Variants in COL24A1 observed in about 807,000 individuals in gnomAD.
The protein encoded by COL24A1 is collagen type XXIV alpha 1 chain.
COL24A1 carries 224 observed loss-of-function variants against 253.9 expected under a neutral mutation model. The ratio of observed to expected loss-of-function variants is 0.88; its 90% CI spans 0.79 to 0.99. The LOEUF is 0.99. Ranked by LOEUF, COL24A1 falls within the 50% of genes least tolerant of loss-of-function variation. COL24A1 has a pLI of 0.00. For synonymous variants in COL24A1, 685 were observed against 673.7 expected (o/e 1.02, Z -0.26); for missense variants, 2,131 against 2,068.5 (o/e 1.03, Z -0.59).
intron 53 of COL24A1, among the ~76,000 whole-genome samples, 196 bp downstream of exon 53, chr1:85,775,478 G>T (rs1668444698): frequency 6.6e-6 from 1 of 152,096 alleles, no homozygotes; most frequent in East Asian, 1.9e-4. Context: ...GGGTGTTAAA[G>T]TCTCCCATTA....
At chr1:85,781,108 C>T (rs1158509693) in intron 52 of COL24A1, 112 bp downstream of exon 52, 2 of 732,636 alleles carry the variant, frequency 2.7e-6, no homozygotes, top group Non-Finnish European at 4.3e-6. Context: ...AAATGTATAT[C>T]TATTTTTTCC....
intron 11 of COL24A1, 67 bp from the exon 12 acceptor site, chr1:86,046,936 C>A: frequency 2.2e-6 from 2 of 901,652 alleles, no homozygotes; most frequent in East Asian, 2.4e-5. Context: ...AGATCTTTTT[C>A]TCCCAATATA....
intron 20 of COL24A1, among the ~76,000 whole-genome samples, chr1:85,978,900 G>C (rs886892492): frequency 6.6e-6 from 1 of 152,128 alleles, no homozygotes; most frequent in Non-Finnish European, 1.5e-5. Flanking sequence ...CTTTTCATCA[G>C]AGTATAGAAC....
chr1:86,061,088 A>G (rs1313904429), intron 8 of COL24A1, among the ~76,000 whole-genome samples: 1 of 152,074 alleles, frequency 6.6e-6, no homozygotes, highest in African/African-American at 2.4e-5. Context: ...GAGGATACTT[A>G]GCTAATAAGT....
At chr1:85,769,452 G>T (rs1418190012) in intron 53 of COL24A1, among the ~76,000 whole-genome samples, 1 of 148,378 alleles carries the variant, frequency 6.7e-6, no homozygotes, top group Non-Finnish European at 1.5e-5. Context: ...GCCAGGCATT[G>T]TACTAGGTCC....
intron 47 of COL24A1, among the ~76,000 whole-genome samples, chr1:85,796,170 G>A (rs1412189337): frequency 2.0e-5 from 3 of 152,142 alleles, no homozygotes; most frequent in Admixed American, 2.0e-4. Flanking sequence ...GGAACTGAGA[G>A]TACAGCTGAG....
intron 58 of COL24A1, among the ~76,000 whole-genome samples, chr1:85,737,073 C>A (rs574478508): frequency 6.6e-6 from 1 of 152,016 alleles, no homozygotes; most frequent in African/African-American, 2.4e-5. Flanking sequence ...GTTACAAACA[C>A]TAGCTGTTTA....
At chr1:85,948,341 G>C (rs985402552) in intron 24 of COL24A1, among the ~76,000 whole-genome samples, 5 of 151,206 alleles carry the variant, frequency 3.3e-5, no homozygotes, top group Admixed American at 1.3e-4. Flanking sequence ...TGGCTAACAC[G>C]GTGAAACCCC....
intron 31 of COL24A1, 37 bp downstream of exon 31, chr1:85,895,821 A>T: frequency 6.4e-7 from 1 of 1,570,736 alleles, no homozygotes; most frequent in African/African-American, 1.4e-5. Flanking sequence ...AAATGCAGAT[A>T]AAAATTTTTC....
At chr1:86,062,097 ATTAAG>A (rs1458066036) in intron 8 of COL24A1, among the ~76,000 whole-genome samples, 7 of 152,080 alleles carry the variant, frequency 4.6e-5, no homozygotes, top group South Asian at 4.1e-4. Context: ...TATTGGTGAC[ATTAAG>A]TTAATTAACA....
At chr1:86,020,634 T>G (rs925570799) in intron 18 of COL24A1, among the ~76,000 whole-genome samples, 35 of 152,196 alleles carry the variant, frequency 2.3e-4, no homozygotes, top group Admixed American at 5.9e-4. Context: ...CTTATATTAT[T>G]TATTAGTTAA....
At chr1:85,792,168 G>GAA (rs1670339912) in intron 47 of COL24A1, among the ~76,000 whole-genome samples, 1 of 151,826 alleles carries the variant, frequency 6.6e-6, no homozygotes, top group Non-Finnish European at 1.5e-5. Flanking sequence ...ACAGAAATAT[G>GAA]TTTTCATATT....
intron 19 of COL24A1, among the ~76,000 whole-genome samples, chr1:86,011,058 C>A (rs1696441953): frequency 6.6e-6 from 1 of 152,062 alleles, no homozygotes; most frequent in African/African-American, 2.4e-5. Context: ...GTACACTTAT[C>A]TAACTTTGTC....
At chr1:85,880,448 A>G (rs1032310662) in intron 32 of COL24A1, among the ~76,000 whole-genome samples, 1 of 152,288 alleles carries the variant, frequency 6.6e-6, no homozygotes, top group Middle Eastern at 3.4e-3. Flanking sequence ...TTACACAGAC[A>G]GCCATGCCAT....
At chr1:85,837,808 G>A (rs948462690) in intron 43 of COL24A1, among the ~76,000 whole-genome samples, 1 of 152,084 alleles carries the variant, frequency 6.6e-6, no homozygotes, top group African/African-American at 2.4e-5. Context: ...TAATATTATA[G>A]GCAAATAGAG....
intron 24 of COL24A1, among the ~76,000 whole-genome samples, chr1:85,937,662 A>G (rs1212702107): frequency 1.4e-5 from 2 of 147,382 alleles, no homozygotes; most frequent in Admixed American, 1.4e-4. Flanking sequence ...CATAGGGTGC[A>G]ATTCAACAAG....
At chr1:85,807,224 A>G (rs2101844855) in intron 47 of COL24A1, among the ~76,000 whole-genome samples, 1 of 152,288 alleles carries the variant, frequency 6.6e-6, no homozygotes, top group East Asian at 1.9e-4. Context: ...TTCCCTCACA[A>G]TAGAAAGGGG....
intron 37 of COL24A1, among the ~76,000 whole-genome samples, chr1:85,858,703 C>T (rs201382777): frequency 4.6e-5 from 7 of 150,694 alleles, no homozygotes; most frequent in South Asian, 2.1e-4. Flanking sequence ...TCCCTCCCTC[C>T]GTCCCTGCTT....
At position 85,909,980 on chromosome 1, in the gene COL24A1, T is replaced by C. The variant is rs930309229; in HGVS notation, c.2640A>G (p.Pro880=). Residue 880 remains proline, a synonymous_variant, in exon 26 of 60, where the codon CCA becomes CCG. Transcript: ENST00000370571. ...CACCTTTTTCTCCCTGCGGACCTAG[T>C]GGGCCTGGACTTCCACGTTCTCCCT... ...GEKGERGSPG[P]LGPQGEKGVM... is the part of the protein sequence containing the mutation. 6.2e-7 allele frequency: 1 copy of C among 1,610,362 alleles called. No individual in the cohort carries two copies. Among genetic ancestry groups the C allele is most frequent in the Non-Finnish European group, 8.5e-7 (1 of 1,177,040 alleles).
Sources: gnomAD v4.1 joint callset for allele counts (sites outside exome capture counted in the v4.1 genomes callset) on GRCh38, gnomAD v4.1.1 for gene constraint, MANE v1.5 for transcripts, NCBI Gene and HGNC (gene_info 2026-07-23, HGNC 2026-07-21) for gene names.